The following UNC5D variants were observed in gnomAD, a reference collection of about 807,000 sequenced individuals.
UNC5D encodes the protein netrin receptor UNC5D.
A neutral mutation model predicts 105.4 loss-of-function variants in UNC5D; 39 were observed. The observed-to-expected ratio is 0.37, with a 90% CI of 0.29 to 0.48. The LOEUF is 0.48. Among genes scored for constraint, UNC5D ranks in the 20% least tolerant of loss-of-function variants. The pLI, the probability that UNC5D is intolerant of heterozygous loss-of-function variation, is 0.98. For missense variants in UNC5D, 991 were observed against 1,202.4 expected (o/e 0.82, Z 2.60); for synonymous variants, 452 against 450.4 (o/e 1.00, Z -0.04).
intron 4 of UNC5D, among the ~76,000 whole-genome samples, chr8:35,609,227 T>C (rs932268432): frequency 2.0e-5 from 3 of 152,216 alleles, no homozygotes; most frequent in Non-Finnish European, 2.9e-5. Context: ...TGTATATTCA[T>C]ATCCTTTGCC....
At chr8:35,743,256 T>C (rs141021157) in intron 11 of UNC5D, among the ~76,000 whole-genome samples, 42 of 152,188 alleles carry the variant, frequency 2.8e-4, no homozygotes, top group African/African-American at 9.9e-4. Context: ...TTTTCATGCA[T>C]TCATTTTTTA....
At chr8:35,500,390 A>T (rs1412405394) in intron 1 of UNC5D, among the ~76,000 whole-genome samples, 1 of 152,208 alleles carries the variant, frequency 6.6e-6, no homozygotes. Flanking sequence ...TCATGAGGGC[A>T]GAGAGATGTT....
chr8:35,768,339 C>T (rs545188792), intron 15 of UNC5D, among the ~76,000 whole-genome samples: 8 of 152,090 alleles, frequency 5.3e-5, no homozygotes, highest in South Asian at 2.1e-4. Flanking sequence ...GTAGTTTTGA[C>T]GGAGAAGGTA....
chr8:35,406,708 G>C (rs910704670), intron 1 of UNC5D, among the ~76,000 whole-genome samples: 1 of 152,106 alleles, frequency 6.6e-6, no homozygotes, highest in African/African-American at 2.4e-5. Context: ...TACAATTTTA[G>C]GACTTGAAGT....
chr8:35,275,983 T>A (rs554249090), intron 1 of UNC5D, among the ~76,000 whole-genome samples: 12 of 152,286 alleles, frequency 7.9e-5, no homozygotes, highest in Admixed American at 1.3e-4. Context: ...GTTTGGAAGA[T>A]GGGGTGGGTA....
intron 1 of UNC5D, among the ~76,000 whole-genome samples, chr8:35,526,299 G>A (rs1324410188): frequency 1.1e-4 from 16 of 152,150 alleles, no homozygotes; most frequent in Admixed American, 1.0e-3. Context: ...GGGGAGAGCA[G>A]CACACTCTCC....
At chr8:35,272,872 G>T (rs1805515571) in intron 1 of UNC5D, among the ~76,000 whole-genome samples, 1 of 152,234 alleles carries the variant, frequency 6.6e-6, no homozygotes, top group Non-Finnish European at 1.5e-5. Flanking sequence ...TTGAAAAGTT[G>T]TGTAGTGCCT....
chr8:35,739,606 T>C (rs955417963), intron 11 of UNC5D, among the ~76,000 whole-genome samples: 1 of 152,212 alleles, frequency 6.6e-6, no homozygotes, highest in East Asian at 1.9e-4. Flanking sequence ...ATGTTATTAA[T>C]AGATATGAAT....
chr8:35,307,418 G>A (rs150619765), intron 1 of UNC5D, among the ~76,000 whole-genome samples: 139 of 152,208 alleles, frequency 9.1e-4, no homozygotes, highest in African/African-American at 3.2e-3. Context: ...AGGTGAGGAG[G>A]CATTATTAGT....
intron 1 of UNC5D, among the ~76,000 whole-genome samples, chr8:35,400,966 G>A (rs946017079): frequency 3.9e-5 from 6 of 152,100 alleles, no homozygotes; most frequent in Non-Finnish European, 7.3e-5. Flanking sequence ...CCAGGAAGCC[G>A]TCAGTCCTGC....
chr8:35,383,554 G>A (rs1448251190), intron 1 of UNC5D, among the ~76,000 whole-genome samples: 1 of 152,174 alleles, frequency 6.6e-6, no homozygotes, highest in African/African-American at 2.4e-5. Flanking sequence ...TAAATACACA[G>A]ATAAAGAGCC....
In UNC5D at chr8:35,242,027, C is replaced by A. The variant is rs567424658; in HGVS notation, c.103+6140C>A. On this transcript the variant is annotated intron_variant, in intron 1 of 16. Transcript: ENST00000404895. ...ACTGAAAAAGTTGAAAGCTGTCTTC[C>A]AAGAGAGGTCAATGTTGGCTTTATT... Among the ~76,000 whole-genome samples the A allele has an allele frequency of 4.6e-5, 7 of 152,150 alleles. No individual in the cohort carries two copies. The South Asian group carries it at 1.2e-3, about 27-fold the overall frequency.
intron 4 of UNC5D, among the ~76,000 whole-genome samples, chr8:35,604,796 G>A (rs1038553065): frequency 6.6e-6 from 1 of 151,724 alleles, no homozygotes; most frequent in African/African-American, 2.4e-5. Flanking sequence ...CATTCATTTT[G>A]TCTTCCATCA....
chr8:35,468,720 A>T (rs1233660056), intron 1 of UNC5D, among the ~76,000 whole-genome samples: 1 of 152,214 alleles, frequency 6.6e-6, no homozygotes, highest in Non-Finnish European at 1.5e-5. Flanking sequence ...TGGGACATTT[A>T]ATCTTGAAAA....
rs201842714 is a variant in UNC5D at position 35,365,483 on chromosome 8, G to A, written c.103+129596G>A. On this transcript the variant is annotated intron_variant, in intron 1 of 16. Coordinates refer to ENST00000404895, the MANE Select transcript of UNC5D (RefSeq NM_080872.4). ...ACAGTTTTAAGAAAAGATTCCAACT[G>A]GAAGCCCCTACAACATGTACTGCCA... 2.7e-5 allele frequency among the ~76,000 whole-genome samples: 4 copies of A among 150,592 alleles called. No individual in the cohort carries two copies. In the East Asian group the frequency reaches 7.9e-4, roughly 30 times the overall value.
chr8:35,575,103 C>G (rs1479709263), intron 3 of UNC5D, among the ~76,000 whole-genome samples: 1 of 152,184 alleles, frequency 6.6e-6, no homozygotes. Flanking sequence ...ACTGAGTTTT[C>G]AAAGCATCGA....
intron 1 of UNC5D, among the ~76,000 whole-genome samples, chr8:35,409,445 A>G (rs2128956592): frequency 6.7e-6 from 1 of 149,518 alleles, no homozygotes; most frequent in East Asian, 1.9e-4. Flanking sequence ...TATCCTTCTA[A>G]TAGGTGGATA....
chr8:35,446,108 C>T (rs1167614431), intron 1 of UNC5D, among the ~76,000 whole-genome samples: 1 of 151,794 alleles, frequency 6.6e-6, no homozygotes, highest in Admixed American at 6.6e-5. Context: ...CACCCATTAC[C>T]TGAGCAGTAT....
At chr8:35,477,780 G>C (rs982958282) in intron 1 of UNC5D, among the ~76,000 whole-genome samples, 1 of 151,980 alleles carries the variant, frequency 6.6e-6, no homozygotes, top group African/African-American at 2.4e-5. Context: ...TTGATACATA[G>C]CGCAACTTAT....
Sources: allele counts gnomAD v4.1 joint callset (sites outside exome capture counted in the v4.1 genomes callset), GRCh38; gene constraint gnomAD v4.1.1; transcripts MANE v1.5; gene names NCBI Gene and HGNC (gene_info 2026-07-23, HGNC 2026-07-21).